Variants in TPD52 observed in about 807,000 individuals in gnomAD.
The protein encoded by TPD52 is tumor protein D52.
Under a neutral mutation model 31.3 loss-of-function variants are expected in TPD52, and 17 were observed. The ratio of observed to expected loss-of-function variants is 0.54; its 90% confidence interval spans 0.37 to 0.82. The LOEUF (loss-of-function observed/expected upper bound fraction) is 0.82. Among genes scored for constraint, TPD52 ranks in the 40% least tolerant of loss-of-function variants. TPD52 has a pLI of 0.00. For synonymous variants in TPD52, 83 were observed against 89.6 expected (o/e 0.93, Z 0.42); for missense variants, 212 against 240.1 (o/e 0.88, Z 0.77).
rs1357793635 is a variant in TPD52 at position 80,035,795 on chromosome 8, A to C, written c.*2321T>G. On this transcript the variant is annotated 3_prime_UTR_variant, in exon 8 of 8. Coordinates refer to ENST00000518937, the MANE Select transcript of TPD52 (RefSeq NM_001025253.3). ...TGAGTCCTTACATCTGTGAGATTTC[A>C]TAAGTATCTGAGATTTCACACTCTT... The C allele has an allele frequency of 6.6e-6, 1 of 152,200 alleles. No homozygotes were observed. The highest frequency in any genetic ancestry group is 2.4e-5 in the African/African-American group (1 of 41,448). The allele number at this position is 152,200 out of a possible 1,614,324, so 9.4% of individuals were successfully genotyped here.
In TPD52 at chr8:80,035,127, G is replaced by A. The variant is rs1809816831; in HGVS notation, c.*2989C>T. The A allele has an allele frequency of 6.6e-6, 1 of 152,206 alleles. No homozygotes were observed. Among genetic ancestry groups the A allele is most frequent in the Admixed American group, 6.5e-5 (1 of 15,282 alleles). The allele number at this position is 152,206 out of a possible 1,614,324, so 9.4% of individuals were successfully genotyped here. The stretch of plus-strand genomic sequence containing the variant: ...TCACTGAAAATAAGGACTAATCAAT[G>A]GCCAAATGTTTCTTCACTATGGGCA... On this transcript the variant is annotated 3_prime_UTR_variant, in exon 8 of 8. Transcript: ENST00000518937.
rs566495511 is a variant in TPD52, at chr8:80,133,463, C to T, written c.19+37962G>A. On this transcript the variant is annotated intron_variant, in intron 1 of 7. Transcript: ENST00000518937. ...GAATTTTCCTTCTTCCCTCCAAAAC[C>T]AGATATTCTTTCCTCTTTGTGTTCC... Among the ~76,000 whole-genome samples, 3 of 152,264 alleles carry T rather than the reference C, an allele frequency of 2.0e-5. No individual in the cohort carries two copies. In the East Asian group the frequency reaches 5.8e-4, roughly 29 times the overall value.
chr8:80,053,156 G>C, intron 3 of TPD52, 126 bp downstream of exon 3: 2 of 1,026,962 alleles, frequency 1.9e-6, no homozygotes, highest in Non-Finnish European at 2.7e-6. Context: ...AGAAAAAAAG[G>C]GTGCCGTGTC....
chr8:80,076,918 C>T (rs1814616988), intron 1 of TPD52, among the ~76,000 whole-genome samples: 1 of 152,160 alleles, frequency 6.6e-6, no homozygotes, highest in Non-Finnish European at 1.5e-5. Flanking sequence ...CTGCCCGCCT[C>T]AGACTCCCAA....
At chr8:80,031,183 G>A (rs1193103963), downstream of TPD52, among the ~76,000 whole-genome samples, 1 of 152,186 alleles carries the variant, frequency 6.6e-6, no homozygotes, top group African/African-American at 2.4e-5. Context: ...CACCTTTCCA[G>A]TTCATTTGCA....
At chr8:80,108,695 T>A (rs1161801137) in intron 1 of TPD52, among the ~76,000 whole-genome samples, 1 of 151,886 alleles carries the variant, frequency 6.6e-6, no homozygotes, top group Non-Finnish European at 1.5e-5. Context: ...GGTGAGTTTG[T>A]GAAACTGCTA....
chr8:80,076,612 A>G (rs1814567377), intron 1 of TPD52, among the ~76,000 whole-genome samples: 1 of 152,190 alleles, frequency 6.6e-6, no homozygotes, highest in South Asian at 2.1e-4. Flanking sequence ...TCAAACCCCT[A>G]TGACACATGT....
Position 80,092,776 on chromosome 8 carries a change from TAA to T in TPD52, c.20-28185_20-28184del, listed in dbSNP as rs34983351. Among the ~76,000 whole-genome samples, 562 of 146,106 alleles carry T rather than the reference TAA, an allele frequency of 3.8e-3. 4 individuals are homozygous for T. The highest frequency in any genetic ancestry group is 6.0e-3 in the Admixed American group (88 of 14,636). ...GTGTTATACACATTCTACCACAATTTAAAAAAAAAAAAAGATCACATAATTAT... is the reference window on the plus strand; with the variant it reads ...GTGTTATACACATTCTACCACAATTTAAAAAAAAAAAGATCACATAATTAT... On this transcript the variant is annotated intron_variant, in intron 1 of 7. Transcript: ENST00000518937.
Position 80,118,237 on chromosome 8 carries a change from G to C in TPD52, c.19+53188C>G, listed in dbSNP as rs1024668265. On this transcript the variant is annotated intron_variant, in intron 1 of 7. Transcript: ENST00000518937. ...ATAGTCTTTTCATTAAATGGTGCTG[G>C]GGAAAATGGATAGCCACATGCAAAA... Among the ~76,000 whole-genome samples the C allele has an allele frequency of 3.3e-5, 5 of 152,220 alleles. No homozygotes were observed. In the East Asian group the frequency reaches 9.6e-4, roughly 29 times the overall value.
chr8:80,039,225 AAC>A (rs751931704), intron 7 of TPD52, among the ~76,000 whole-genome samples: 35 of 152,320 alleles, frequency 2.3e-4, no homozygotes, highest in Non-Finnish European at 3.7e-4. Context: ...AATTTATTAA[AAC>A]ACATTCCTTA....
intron 1 of TPD52, among the ~76,000 whole-genome samples, chr8:80,138,530 G>A (rs1185359469): frequency 6.6e-6 from 1 of 152,166 alleles, no homozygotes; most frequent in African/African-American, 2.4e-5. Context: ...TATGCATCTA[G>A]GGAGTTGAAA....
At chr8:80,170,100 G>A (rs538943986) in intron 1 of TPD52, among the ~76,000 whole-genome samples, 20 of 152,166 alleles carry the variant, frequency 1.3e-4, no homozygotes, top group Non-Finnish European at 1.3e-4. Context: ...ACTCCAAAGA[G>A]TCTATCTTAC....
In TPD52 at chr8:80,138,235, G is replaced by A. The variant is rs145009968; in HGVS notation, c.19+33190C>T. ...TGAGATAACAGGCATGAGCCACCGC[G>A]CCTGACCATGAGACCCTGTCTCTAA... On this transcript the variant is annotated intron_variant, in intron 1 of 7. Transcript: ENST00000518937. Among the ~76,000 whole-genome samples the A allele has an allele frequency of 8.2e-4, 125 of 152,250 alleles. No homozygotes were observed. The East Asian group carries it at 0.022, about 27-fold the overall frequency.
chr8:80,039,378 T>C (rs1810162555), intron 7 of TPD52, among the ~76,000 whole-genome samples: 1 of 152,052 alleles, frequency 6.6e-6, no homozygotes. Flanking sequence ...ACACCTGGGG[T>C]TGTCCTGGAT....
At chr8:80,061,385 C>CCCCCCCCA (rs1484546324) in intron 2 of TPD52, among the ~76,000 whole-genome samples, 2 of 102,088 alleles carry the variant, frequency 2.0e-5, no homozygotes, top group Non-Finnish European at 2.0e-5. Context: ...CCGCCCCCCC[C>CCCCCCCCA]AAAAAAAAAA....
At chr8:80,068,162 T>C (rs1489507331) in intron 1 of TPD52, among the ~76,000 whole-genome samples, 7 of 151,950 alleles carry the variant, frequency 4.6e-5, no homozygotes, top group African/African-American at 1.7e-4. Context: ...CACCAGCCAC[T>C]GTGAGGGGAA....
intron 4 of TPD52, chr8:80,051,120 T>C (rs1811343840): frequency 5.1e-6 from 1 of 194,862 alleles, no homozygotes. Flanking sequence ...CACACCATGA[T>C]ATAAAATGTC....
chr8:80,053,299 G>T lies in TPD52; in HGVS notation c.267C>A (p.Asp89Glu). 2.5e-6 allele frequency: 4 copies of T among 1,613,446 alleles called. No individual in the cohort carries two copies. Among genetic ancestry groups the T allele is most frequent in the Non-Finnish European group, 3.4e-6 (4 of 1,179,578 alleles). The change falls in exon 3 of 8, where the codon GAC (aspartate) becomes GAA (glutamate). Residue 89 changes from aspartate (D) to glutamate (E), a missense_variant. By Grantham distance (45) the Asp-to-Glu change is conservative (BLOSUM62 2). Coordinates refer to ENST00000518937, the MANE Select transcript of TPD52 (RefSeq NM_001025253.3). ...AAACATACGCAGATGTTGCTGTCAC[G>T]TCTTGCCACCCTTTGGCAATGTTCT... Reference protein sequence around the residue: ...LKQNIAKGWQDVTATSAYKKT... With the variant: ...LKQNIAKGWQEVTATSAYKKT...
chr8:80,171,086 C>T (rs764965046), intron 1 of TPD52: 106 of 605,468 alleles, frequency 1.8e-4, no homozygotes, highest in Non-Finnish European at 2.8e-4. Context: ...GAGCTGGCTG[C>T]GCCGTGCTCC....
Sources: gnomAD v4.1 joint callset for allele counts (sites outside exome capture counted in the v4.1 genomes callset) on GRCh38, gnomAD v4.1.1 for gene constraint, MANE v1.5 for transcripts, NCBI Gene and HGNC (gene_info 2026-07-23, HGNC 2026-07-21) for gene names.